The following DNASE1 variants were observed in gnomAD, a reference collection of about 807,000 sequenced individuals.
DNASE1 encodes the protein deoxyribonuclease-1.
In DNASE1, 40 loss-of-function variants were observed where a neutral mutation model predicts 33.9. The observed-to-expected ratio is 1.18, with a 90% CI of 0.92 to 1.54. The LOEUF is 1.54. Among genes scored for constraint, DNASE1 ranks in the 40% most tolerant of loss-of-function variants. The pLI is 0.00. For missense variants in DNASE1, 518 were observed against 372.6 expected, an observed-to-expected ratio of 1.39 and a Z score of -3.21; for synonymous variants, 216 against 160.0, an observed-to-expected ratio of 1.35 and a Z score of -2.64.
intron 1 of DNASE1, among the ~76,000 whole-genome samples, chr16:3,617,095 A>G (rs1164513530): frequency 6.6e-6 from 1 of 151,894 alleles, no homozygotes; most frequent in Non-Finnish European, 1.5e-5. Context: ...TAATCCCAGC[A>G]CTTTTGGCAT....
upstream of DNASE1, among the ~76,000 whole-genome samples, chr16:3,640,025 G>A (rs2041986740): frequency 6.6e-6 from 1 of 152,226 alleles, no homozygotes; most frequent in African/African-American, 2.4e-5. Flanking sequence ...GAACTTTTCA[G>A]TGGGTCCAGT....
downstream of DNASE1, chr16:3,662,199 C>G (rs1204849760): frequency 1.9e-6 from 3 of 1,559,434 alleles, no homozygotes; most frequent in Admixed American, 1.8e-5. Context: ...CAGGATCTTA[C>G]CAGGGGTGAA....
At chr16:3,614,066 C>G (rs1006457264) in intron 1 of DNASE1, among the ~76,000 whole-genome samples, 1 of 152,106 alleles carries the variant, frequency 6.6e-6, no homozygotes, top group African/African-American at 2.4e-5. Flanking sequence ...GCGCCCGCCA[C>G]CACACCTGGC....
downstream of DNASE1, chr16:3,661,933 A>C (rs538165154): frequency 3.3e-5 from 51 of 1,532,504 alleles, no homozygotes; most frequent in Non-Finnish European, 4.5e-5. Flanking sequence ...AGAACACCAC[A>C]CACAGGATTC....
chr16:3,662,139 G>A, downstream of DNASE1: 1 of 1,609,858 alleles, frequency 6.2e-7, no homozygotes, highest in South Asian at 1.1e-5. Flanking sequence ...TCACCTGTGA[G>A]CAAAGCCCGG....
intron 1 of DNASE1, among the ~76,000 whole-genome samples, chr16:3,646,162 C>T (rs868261930): frequency 1.3e-5 from 2 of 152,254 alleles, no homozygotes; most frequent in African/African-American, 4.8e-5. Flanking sequence ...TGTCCAAGTG[C>T]CACCTGGATG....
chr16:3,660,728 A>G (rs2043024252), downstream of DNASE1: 1 of 152,170 alleles, frequency 6.6e-6, no homozygotes, highest in Non-Finnish European at 1.5e-5. Context: ...TGGTTGTAAA[A>G]TGACAAAAGA....
At chr16:3,660,835 G>C (rs2043031709), downstream of DNASE1, 1 of 152,322 alleles carries the variant, frequency 6.6e-6, no homozygotes, top group African/African-American at 2.4e-5. Flanking sequence ...AAGGCAGGTG[G>C]ATTGTTTGAG....
chr16:3,616,122 C>G (rs1033366928), intron 1 of DNASE1, among the ~76,000 whole-genome samples: 1 of 152,164 alleles, frequency 6.6e-6, no homozygotes, highest in African/African-American at 2.4e-5. Context: ...AAAAGTTATT[C>G]GAGATGAGTT....
intron 1 of DNASE1, among the ~76,000 whole-genome samples, chr16:3,624,598 G>A (rs367764144): frequency 7.2e-5 from 11 of 152,204 alleles, no homozygotes; most frequent in Admixed American, 1.3e-4. Context: ...CTCAGCATCC[G>A]AACATCTAGA....
rs1375713943 is a variant in DNASE1 at position 3,664,350 on chromosome 16, T to C, written c.*6397T>C. 1.2e-6 allele frequency: 2 copies of C among 1,613,016 alleles called. No individual in the cohort carries two copies. The highest frequency in any genetic ancestry group is 1.7e-6 in the Non-Finnish European group (2 of 1,179,666). ...GTGACGGTTGGGGGCGCACAGGTAGTAGATGTTGCGGGTGCCGGCCCGCAT... is the reference window on the plus strand; with the variant it reads ...GTGACGGTTGGGGGCGCACAGGTAGCAGATGTTGCGGGTGCCGGCCCGCAT... On this transcript the variant is annotated 3_prime_UTR_variant, in exon 10 of 10. Transcript: ENST00000407479.
intron 1 of DNASE1, among the ~76,000 whole-genome samples, chr16:3,647,474 A>T (rs552646400): frequency 6.6e-6 from 1 of 152,114 alleles, no homozygotes; most frequent in East Asian, 1.9e-4. Flanking sequence ...GGTTCTTGCC[A>T]TGTTACCTAG....
chr16:3,647,416 G>A (rs549788541), intron 1 of DNASE1, among the ~76,000 whole-genome samples: 26 of 152,156 alleles, frequency 1.7e-4, no homozygotes, highest in Admixed American at 4.6e-4. Context: ...TGGGACTACA[G>A]ATGTGTGCCT....
chr16:3,664,002 G>A, exon 10 of DNASE1: 1 of 387,694 alleles, frequency 2.6e-6, no homozygotes, highest in Non-Finnish European at 4.6e-6. Context: ...GGCGGAAGTT[G>A]CAGTGAGCCG....
At chr16:3,662,228 G>A, downstream of DNASE1, 5 of 1,463,548 alleles carry the variant, frequency 3.4e-6, no homozygotes, top group Non-Finnish European at 4.6e-6. Flanking sequence ...AGACCACGAG[G>A]TAGCAGGCGG....
Position 3,655,508 on chromosome 16 carries a change from C to A in DNASE1, c.135C>A (p.Ser45Arg). 6.2e-7 allele frequency: 1 copy of A among 1,614,136 alleles called. No individual in the cohort carries two copies. The highest frequency in any genetic ancestry group is 8.5e-7 in the Non-Finnish European group (1 of 1,180,022). ...ETKMSNATLV[S>R]YIVQILSRYD... ...AGATGTCCAATGCCACCCTCGTCAG[C>A]TACATTGTGCAGGTGAGGCCAGGGC... Residue 45 changes from serine to arginine, a missense_variant, in exon 2 of 9, where the codon AGC (serine) becomes AGA (arginine). Coordinates refer to ENST00000246949, the MANE Select transcript of DNASE1 (RefSeq NM_005223.4).
downstream of DNASE1, chr16:3,662,547 G>T: frequency 1.8e-6 from 1 of 556,334 alleles, no homozygotes; most frequent in South Asian, 1.8e-5. Context: ...GCACCCAAGT[G>T]AGCATGTGAG....
At position 3,657,700 on chromosome 16, in the gene DNASE1, C is replaced by G. The variant is rs770033496; in HGVS notation, c.705-20C>G. On this transcript the variant is annotated intron_variant, in intron 7 of 8. Coordinates refer to ENST00000246949, the MANE Select transcript of DNASE1 (RefSeq NM_005223.4). ...CATGTGTGAAAGGGGAACCTACTTT[C>G]TCTTCCCAACACCCATCAGGATCGT... The G allele has an allele frequency of 1.9e-6, 3 of 1,613,710 alleles. No homozygotes were observed. The highest frequency in any genetic ancestry group is 1.1e-5 in the South Asian group (1 of 91,062).
At chr16:3,658,315 C>T, downstream of DNASE1, 1 of 1,142,786 alleles carries the variant, frequency 8.8e-7, no homozygotes. Context: ...CTCACTGTTG[C>T]CGAGGCTGGA....
Sources: gnomAD v4.1 joint callset for allele counts (sites outside exome capture counted in the v4.1 genomes callset) on GRCh38, gnomAD v4.1.1 for gene constraint, MANE v1.5 for transcripts, NCBI Gene and HGNC (gene_info 2026-07-23, HGNC 2026-07-21) for gene names.